MYCBP2: variants seen among roughly 807,000 people sequenced by gnomAD.
MYCBP2 encodes E3 ubiquitin-protein ligase MYCBP2.
Under a neutral mutation model 525.3 loss-of-function variants are expected in MYCBP2, and 120 were observed. The ratio of observed to expected loss-of-function variants is 0.23; its 90% CI spans 0.20 to 0.27. The LOEUF (loss-of-function observed/expected upper bound fraction) is 0.27. Ranked by LOEUF, MYCBP2 falls within the 10% of genes least tolerant of loss-of-function variation. The probability of loss-of-function intolerance (pLI) is 1.00; values close to 1 mark genes in which losing one functional copy is unlikely to be tolerated. For missense variants in MYCBP2, 4,149 were observed against 5,657.1 expected (o/e 0.73, Z 8.55); for synonymous variants, 1,894 against 1,955.8 (o/e 0.97, Z 0.83).
chr13:77,195,524 G>A (rs9593215), intron 26 of MYCBP2, among the ~76,000 whole-genome samples: 5,650 of 152,230 alleles, frequency 0.037, 373 homozygotes, highest in African/African-American at 0.13. Context: ...TTGAACCCAG[G>A]AGGCAGAGGC....
At chr13:77,109,548 C>A (rs1413898566) in intron 55 of MYCBP2, 1 of 152,200 alleles carries the variant, frequency 6.6e-6, no homozygotes, top group African/African-American at 2.4e-5. Context: ...TTGTTAATTA[C>A]CGGCCTGGCA....
In MYCBP2 at chr13:77,180,206, G is replaced by A. The variant is rs1382523745; in HGVS notation, c.5054C>T (p.Ser1685Phe). 2 of 1,614,110 alleles carry A rather than the reference G, an allele frequency of 1.2e-6. No homozygotes were observed. Among genetic ancestry groups the A allele is most frequent in the South Asian group, 1.1e-5 (1 of 91,084 alleles). ...ACAGGTGTTAGAGACGAGGTGGGAG[G>A]AGAAGAGTTCATTTTCTCTCCTCAG... ...NSLRRENELF[S>F]SHLVSNTCGL... Residue 1685 changes from serine (S) to phenylalanine (F), a missense_variant, in exon 34 of 83, where the codon TCC (serine) becomes TTC (phenylalanine). Around this residue, in one of 21 missense-constraint regions of MYCBP2, gnomAD observed 54 missense variants for 117.0 expected, o/e 0.46. Transcript: ENST00000544440.
Position 77,126,257 on chromosome 13 carries a change from T to G in MYCBP2, c.7884+61A>C. The G allele has an allele frequency of 2.1e-6, 3 of 1,419,632 alleles. No individual in the cohort carries two copies. In the South Asian group the frequency reaches 3.8e-5, roughly 18 times the overall value. The allele number at this position is 1,419,632 out of a possible 1,614,324, so 87.9% of individuals were successfully genotyped here. A position where few individuals can be genotyped will look rare whatever the true frequency, so the allele number is the denominator to read the frequency against. On this transcript the variant is annotated intron_variant, in intron 53 of 82. Transcript: ENST00000544440. ...AAATGGCAACCTTTAGAAGAGATGC[T>G]TTGGTTGTATTACATTAAAAATGAG...
chr13:77,174,921 A>AT (rs2059510752), intron 36 of MYCBP2, among the ~76,000 whole-genome samples: 1 of 85,764 alleles, frequency 1.2e-5, no homozygotes, highest in African/African-American at 7.8e-5. Flanking sequence ...AATATATATT[A>AT]TATATATATA....
At position 77,081,714 on chromosome 13, in the gene MYCBP2, A is replaced by G; in HGVS notation, c.11194-63T>C. 4 of 1,536,512 alleles carry G rather than the reference A, an allele frequency of 2.6e-6. No homozygotes were observed. Among genetic ancestry groups the G allele is most frequent in the Non-Finnish European group, 3.5e-6 (4 of 1,137,634 alleles). Reference sequence around the variant, plus strand: ...AGCAAATCTTTCGTGATGATAAAACAAACAGGTATAAGATAAAACATAATG... The same window carrying G: ...AGCAAATCTTTCGTGATGATAAAACGAACAGGTATAAGATAAAACATAATG... On this transcript the variant is annotated intron_variant, in intron 64 of 82. Transcript: ENST00000544440. The surrounding 1 kb of genome is among the most constrained non-coding windows in gnomAD (Gnocchi z 4.6).
At chr13:77,265,022 T>C (rs1197148745) in intron 8 of MYCBP2, among the ~76,000 whole-genome samples, 5 of 152,152 alleles carry the variant, frequency 3.3e-5, no homozygotes, top group Non-Finnish European at 7.4e-5. Context: ...AATGCAGTAA[T>C]GGAGCCCACC....
At chr13:77,124,430 T>C (rs2051300140) in intron 54 of MYCBP2, among the ~76,000 whole-genome samples, 1 of 152,214 alleles carries the variant, frequency 6.6e-6, no homozygotes, top group Non-Finnish European at 1.5e-5. Context: ...GTTCTCTTAT[T>C]TACCTAACTT....
At chr13:77,155,196 T>C (rs979694154) in intron 46 of MYCBP2, among the ~76,000 whole-genome samples, 7 of 152,144 alleles carry the variant, frequency 4.6e-5, no homozygotes, top group African/African-American at 1.7e-4. Flanking sequence ...TGTGTTCTTA[T>C]TTTTTACTTA....
At chr13:77,244,157 A>C (rs1227800741) in intron 15 of MYCBP2, among the ~76,000 whole-genome samples, 4 of 152,232 alleles carry the variant, frequency 2.6e-5, no homozygotes, top group African/African-American at 9.6e-5. Flanking sequence ...TTAAACTCCC[A>C]ATAGGCATAA....
In MYCBP2 at chr13:77,121,410, A is replaced by G. The variant is rs760866288; in HGVS notation, c.8103T>C (p.Ser2701=). Residue 2701 remains serine (S), a synonymous_variant, in exon 55 of 83, where the codon AGT becomes AGC. Transcript: ENST00000544440. ...CGAGTCCATAATCAAATCCTTGGGC[A>G]CTGCAACTTGCCCCTTTATTAAAAG... is the stretch of plus-strand genomic sequence containing the variant. ...VQAFNKGASC[S]AQGFDYGLGN... 6.3e-7 allele frequency: 1 copy of G among 1,596,934 alleles called. No individual in the cohort carries two copies. The highest frequency in any genetic ancestry group is 8.6e-7 in the Non-Finnish European group (1 of 1,168,312).
At position 77,219,174 on chromosome 13, in the gene MYCBP2, G is replaced by C. The variant is rs182973095; in HGVS notation, c.2940-1217C>G. 2.8e-3 allele frequency among the ~76,000 whole-genome samples: 430 copies of C among 152,226 alleles called. 5 individuals carry two copies. Among genetic ancestry groups the C allele is most frequent in the Non-Finnish European group, 4.4e-3 (299 of 68,014 alleles). Reference sequence around the variant, plus strand: ...TTTAGATACAGACCGAGGAAGAACAGCTCACAGACATCTAGAATAAACCAC... The same window carrying C: ...TTTAGATACAGACCGAGGAAGAACACCTCACAGACATCTAGAATAAACCAC... On this transcript the variant is annotated intron_variant, in intron 20 of 82. Transcript: ENST00000544440.
chr13:77,166,976 T>TACAC lies in MYCBP2; in HGVS notation c.6115-426_6115-423dup, dbSNP rs539593054. Among the ~76,000 whole-genome samples the TACAC allele has an allele frequency of 7.6e-3, 967 of 127,162 alleles. 16 individuals are homozygous for TACAC. Among genetic ancestry groups the TACAC allele is most frequent in the African/African-American group, 0.026 (820 of 31,556 alleles). 83.4% of individuals were successfully genotyped at this position (127,162 alleles called of 152,430 possible). ...ATACTTCAAAGACAAAACACACACA[T>TACAC]ACACACACACACACACACACACACA... On this transcript the variant is annotated intron_variant, in intron 40 of 82. Coordinates refer to ENST00000544440, the MANE Select transcript of MYCBP2 (RefSeq NM_015057.5).
rs1424403097 is a variant in MYCBP2, at chr13:77,317,407, A to G, written c.302+9067T>C. On this transcript the variant is annotated intron_variant, in intron 1 of 82. Transcript: ENST00000544440. ...TGCCATCAGAGCTATGGAGATGGGA[A>G]GCAGAAACTGCCCAGGTGATTCACA... Among the ~76,000 whole-genome samples the G allele has an allele frequency of 2.6e-5, 4 of 152,350 alleles. No homozygotes were observed. The East Asian group carries it at 7.7e-4, about 29-fold the overall frequency.
intron 40 of MYCBP2, 134 bp from the exon 41 acceptor site, chr13:77,166,688 A>G: frequency 2.0e-6 from 1 of 495,436 alleles, no homozygotes; most frequent in Non-Finnish European, 3.4e-6. Flanking sequence ...ATTAAAATAG[A>G]ATAAAATGTT....
intron 68 of MYCBP2, among the ~76,000 whole-genome samples, chr13:77,073,724 A>G (rs2041787492): frequency 6.6e-6 from 1 of 152,050 alleles, no homozygotes; most frequent in Non-Finnish European, 1.5e-5. Flanking sequence ...AGTCAATTCT[A>G]TTTTTATACA....
chr13:77,178,795 A>T (rs2059950465), intron 34 of MYCBP2, among the ~76,000 whole-genome samples: 1 of 152,202 alleles, frequency 6.6e-6, no homozygotes, highest in South Asian at 2.1e-4. Flanking sequence ...GCACCCTGTA[A>T]CTTTTGGTAT....
chr13:77,318,168 A>T (rs926885536), intron 1 of MYCBP2, among the ~76,000 whole-genome samples: 1 of 152,182 alleles, frequency 6.6e-6, no homozygotes, highest in African/African-American at 2.4e-5. Context: ...CCACTGTATA[A>T]GGACTGGTTG....
intron 4 of MYCBP2, among the ~76,000 whole-genome samples, chr13:77,278,013 G>A (rs1377653322): frequency 6.6e-6 from 1 of 152,142 alleles, no homozygotes; most frequent in Non-Finnish European, 1.5e-5. Context: ...TGATATGAAA[G>A]GCAAGAATCG....
chr13:77,308,875 A>G (rs2079793221), intron 1 of MYCBP2, among the ~76,000 whole-genome samples: 1 of 152,242 alleles, frequency 6.6e-6, no homozygotes, highest in East Asian at 1.9e-4. Flanking sequence ...AAAGGTATTT[A>G]TCTACCAACT....
Sources: allele counts gnomAD v4.1 joint callset (sites outside exome capture counted in the v4.1 genomes callset), GRCh38; gene constraint gnomAD v4.1.1; regional missense constraint gnomAD v4.1.1; non-coding constraint Gnocchi (gnomAD v3.1); transcripts MANE v1.5; gene names NCBI Gene and HGNC (gene_info 2026-07-23, HGNC 2026-07-21).